IL7: variants seen among roughly 807,000 people sequenced by gnomAD.
IL7 encodes the protein interleukin-7.
Under a neutral mutation model 21.6 loss-of-function variants are expected in IL7, and 3 were observed. The ratio of observed to expected loss-of-function variants is 0.14; its 90% CI spans 0.06 to 0.36. The LOEUF (loss-of-function observed/expected upper bound fraction) is 0.36. Ranked by LOEUF, IL7 falls within the 10% of genes least tolerant of loss-of-function variation. The pLI, the probability that IL7 is intolerant of heterozygous loss-of-function variation, is 1.00. For missense variants in IL7, 175 were observed against 200.2 expected, an observed-to-expected ratio of 0.87 and a Z score of 0.76; for synonymous variants, 62 against 68.1, an observed-to-expected ratio of 0.91 and a Z score of 0.44.
chr8:78,696,379 TACATTCCAAGC>T (rs1355474764), intron 3 of IL7, among the ~76,000 whole-genome samples: 5 of 152,298 alleles, frequency 3.3e-5, no homozygotes, highest in African/African-American at 1.2e-4. Flanking sequence ...CGTATTGGGC[TACATTCCAAGC>T]ACATATGCAA....
At chr8:78,740,970 T>G (rs1811759855) in intron 2 of IL7, among the ~76,000 whole-genome samples, 1 of 152,202 alleles carries the variant, frequency 6.6e-6, no homozygotes, top group Non-Finnish European at 1.5e-5. Context: ...TCAGATTTTC[T>G]TATGCACCGG....
Position 78,804,985 on chromosome 8 carries a change from C to T in IL7, c.-63G>A, listed in dbSNP as rs974081909. Reference sequence around the variant, plus strand: ...CTGGAGCAGGAGCAAGCTCTCACCGCCCATAGTCACTCCCAGGACCCTGGT... The same window carrying T: ...CTGGAGCAGGAGCAAGCTCTCACCGTCCATAGTCACTCCCAGGACCCTGGT... On this transcript the variant is annotated 5_prime_UTR_variant, in exon 1 of 6. Transcript: ENST00000263851. The T allele has an allele frequency of 7.0e-6, 11 of 1,574,406 alleles. No homozygotes were observed. Among genetic ancestry groups the T allele is most frequent in the South Asian group, 1.1e-5 (1 of 87,360 alleles).
chr8:78,748,730 A>C (rs1277510737), intron 2 of IL7, among the ~76,000 whole-genome samples: 1 of 152,198 alleles, frequency 6.6e-6, no homozygotes, highest in African/African-American at 2.4e-5. Flanking sequence ...AAAGCCAGAG[A>C]GTTAGAAGGA....
At position 78,738,642 on chromosome 8, in the gene IL7, T is replaced by C. The variant is rs763223590; in HGVS notation, c.229-7A>G. 4 of 1,611,012 alleles carry C rather than the reference T, an allele frequency of 2.5e-6. No homozygotes were observed. Among genetic ancestry groups the C allele is most frequent in the Middle Eastern group, 1.6e-4 (1 of 6,068 alleles). Reference sequence around the variant, plus strand: ...GGAATAAAAACATACCTTCCTATTATAGGAAAAAGTCAGAAGGGCCATGGT... The same window carrying C: ...GGAATAAAAACATACCTTCCTATTACAGGAAAAAGTCAGAAGGGCCATGGT... On this transcript the variant is annotated splice_region_variant and splice_polypyrimidine_tract_variant and intron_variant, in intron 3 of 5. Transcript: ENST00000263851.
intron 1 of IL7, among the ~76,000 whole-genome samples, chr8:78,803,939 A>G (rs930162697): frequency 2.6e-5 from 4 of 152,164 alleles, no homozygotes; most frequent in Admixed American, 2.6e-4. Context: ...AGCCATCAAA[A>G]GAAAGAGCAG....
chr8:78,726,055 A>G (rs531463627), intron 3 of IL7, among the ~76,000 whole-genome samples: 44 of 152,120 alleles, frequency 2.9e-4, no homozygotes, highest in African/African-American at 1.1e-3. Context: ...AATTCTGACA[A>G]TGCTATGGAG....
chr8:78,783,373 G>C (rs1043196112), intron 2 of IL7, among the ~76,000 whole-genome samples: 4 of 152,124 alleles, frequency 2.6e-5, no homozygotes, highest in Admixed American at 2.0e-4. Context: ...CTGCAGGTGG[G>C]CCATTACTCC....
chr8:78,688,746 A>G (rs1176654398), intron 3 of IL7, among the ~76,000 whole-genome samples: 2 of 152,130 alleles, frequency 1.3e-5, no homozygotes, highest in African/African-American at 4.8e-5. Context: ...AGAAAATAGC[A>G]CTTTAAAGAT....
chr8:78,755,383 AG>A (rs1200662640), intron 2 of IL7, among the ~76,000 whole-genome samples: 2 of 152,030 alleles, frequency 1.3e-5, no homozygotes, highest in African/African-American at 4.8e-5. Context: ...GTATTATGAT[AG>A]GGATTGCATT....
At chr8:78,695,338 G>A (rs1166848709) in intron 3 of IL7, among the ~76,000 whole-genome samples, 1 of 152,078 alleles carries the variant, frequency 6.6e-6, no homozygotes, top group Non-Finnish European at 1.5e-5. Context: ...CCATTAAGTT[G>A]TTAATAATTC....
At chr8:78,746,191 G>A (rs186578743) in intron 2 of IL7, among the ~76,000 whole-genome samples, 11 of 152,290 alleles carry the variant, frequency 7.2e-5, no homozygotes, top group Admixed American at 7.2e-4. Context: ...AAGACATGTG[G>A]TAAGAAATTG....
At chr8:78,779,663 A>G (rs1813254727) in intron 2 of IL7, among the ~76,000 whole-genome samples, 1 of 152,080 alleles carries the variant, frequency 6.6e-6, no homozygotes, top group African/African-American at 2.4e-5. Flanking sequence ...AGATTTTTGT[A>G]TTGACGTTCA....
intron 2 of IL7, among the ~76,000 whole-genome samples, chr8:78,773,424 T>C (rs993553477): frequency 6.6e-6 from 1 of 152,108 alleles, no homozygotes; most frequent in Admixed American, 6.6e-5. Context: ...CTGCTGTCTT[T>C]AAATTTGGGT....
chr8:78,767,437 T>G (rs1038065964), intron 2 of IL7, among the ~76,000 whole-genome samples: 4 of 152,092 alleles, frequency 2.6e-5, no homozygotes, highest in Non-Finnish European at 5.9e-5. Flanking sequence ...TTTTCCTTTT[T>G]CTTTGTAATT....
intron 3 of IL7, among the ~76,000 whole-genome samples, chr8:78,707,661 C>T (rs1295407601): frequency 6.6e-6 from 1 of 152,118 alleles, no homozygotes; most frequent in Non-Finnish European, 1.5e-5. Flanking sequence ...TCAATCATAC[C>T]TGTTCAAATT....
At chr8:78,726,038 C>A (rs1453790071) in intron 3 of IL7, among the ~76,000 whole-genome samples, 1 of 151,756 alleles carries the variant, frequency 6.6e-6, no homozygotes, top group African/African-American at 2.4e-5. Context: ...AAATATGCTT[C>A]ATATTAAATT....
chr8:78,804,583 C>A (rs1045709985), intron 1 of IL7, among the ~76,000 whole-genome samples: 3 of 152,220 alleles, frequency 2.0e-5, no homozygotes, highest in Non-Finnish European at 4.4e-5. Flanking sequence ...AGACAGAGAG[C>A]CTTTGGCTGC....
intron 3 of IL7, among the ~76,000 whole-genome samples, chr8:78,687,270 A>G (rs75680426): frequency 0.037 from 5,615 of 151,840 alleles, 316 homozygotes; most frequent in African/African-American, 0.13. Context: ...CATTAATGCT[A>G]TGTTAGTACT....
At chr8:78,701,227 C>A (rs1810592471) in intron 3 of IL7, among the ~76,000 whole-genome samples, 1 of 152,090 alleles carries the variant, frequency 6.6e-6, no homozygotes, top group South Asian at 2.1e-4. Context: ...TACCTGTATT[C>A]TTAGGTATTT....
Sources: allele counts gnomAD v4.1 joint callset (sites outside exome capture counted in the v4.1 genomes callset), GRCh38; gene constraint gnomAD v4.1.1; transcripts MANE v1.5; gene names NCBI Gene and HGNC (gene_info 2026-07-23, HGNC 2026-07-21).